Variants in BEST4 observed in about 807,000 individuals in gnomAD.
The protein encoded by BEST4 is bestrophin 4, also known as bestrophin-4.
A neutral mutation model predicts 47.1 loss-of-function variants in BEST4; 36 were observed. That is an observed-to-expected ratio of 0.76 (90% CI 0.59 to 1.01). BEST4 has a LOEUF of 1.01. BEST4 is among the 50% of genes least tolerant of loss of function. The pLI, the probability that BEST4 is intolerant of heterozygous loss-of-function variation, is 0.00. For missense variants in BEST4, 550 were observed against 648.6 expected, an observed-to-expected ratio of 0.85 and a Z score of 1.65; for synonymous variants, 250 against 277.8, an observed-to-expected ratio of 0.90 and a Z score of 1.00.
chr1:44,786,632 G>T lies in BEST4; in HGVS notation c.312C>A (p.Asp104Glu), dbSNP rs1315866566. The T allele has an allele frequency of 1.6e-5, 25 of 1,551,666 alleles. No homozygotes were observed. The highest frequency in any genetic ancestry group is 2.1e-5 in the Non-Finnish European group (24 of 1,146,992). The change falls in exon 3 of 9, where the codon GAC becomes GAA. Residue 104 changes from aspartate (D) to glutamate (E), a missense_variant. By Grantham distance (45) the Asp-to-Glu change is conservative. Transcript: ENST00000372207. The surrounding 1 kb of genome is among the most constrained non-coding windows in gnomAD (Gnocchi z 4.9). ...WSQYTSIPLP[D>E]QLMCVISASV... Reference sequence around the variant, plus strand: ...TAGCCGAGATGACGCACATCAGCTGGTCTGGCAGCGGGATGCTTGTGTACT... The same window carrying T: ...TAGCCGAGATGACGCACATCAGCTGTTCTGGCAGCGGGATGCTTGTGTACT...
Position 44,787,981 on chromosome 1 carries a change from C to A in BEST4, c.-276G>T, listed in dbSNP as rs1452720171. Among the ~76,000 whole-genome samples, 1 of 152,198 alleles carries A rather than the reference C, an allele frequency of 6.6e-6. No homozygotes were observed. The highest frequency in any genetic ancestry group is 6.5e-5 in the Admixed American group (1 of 15,268). On this transcript the variant is annotated 5_prime_UTR_variant, in exon 1 of 9. Transcript: ENST00000372207. ...TTTCCTCAAGCTCCTCTTCAGCCTGCAGGGCTAGGGATAACCAGATCCTGA... is the reference window on the plus strand; with the variant it reads ...TTTCCTCAAGCTCCTCTTCAGCCTGAAGGGCTAGGGATAACCAGATCCTGA...
chr1:44,781,870 T>A (rs888169192), downstream of BEST4, among the ~76,000 whole-genome samples: 1 of 152,182 alleles, frequency 6.6e-6, no homozygotes, highest in African/African-American at 2.4e-5. Flanking sequence ...CTTTATTAAA[T>A]TTGAAGTTTG....
rs1293132810 is a variant in BEST4, at chr1:44,787,911, G to T, written c.-206C>A. On this transcript the variant is annotated 5_prime_UTR_variant, in exon 1 of 9. Transcript: ENST00000372207. ...AGTACATGGGCAAAGCCAGGCTAGA[G>T]TTGGACAAGGTAGAACTGAGATCTG... Among the ~76,000 whole-genome samples the T allele has an allele frequency of 6.6e-6, 1 of 152,248 alleles. No individual in the cohort carries two copies. Among genetic ancestry groups the T allele is most frequent in the Non-Finnish European group, 1.5e-5 (1 of 68,038 alleles).
chr1:44,782,019 C>T (rs1194769388), downstream of BEST4, among the ~76,000 whole-genome samples: 1 of 151,998 alleles, frequency 6.6e-6, no homozygotes, highest in African/African-American at 2.4e-5. Flanking sequence ...AAAAAATTAG[C>T]AGGGTGTGGT....
At position 44,784,762 on chromosome 1, in the gene BEST4, C is replaced by A; in HGVS notation, c.1015G>T (p.Glu339Ter). The stretch of plus-strand genomic sequence containing the variant: ...GCGGGGGGAAGGTTCTGGTACATTT[C>A]GTCCACGGATAGCAGGGACACCTGG... ...NLQVSLLSVD[E>*]MYQNLPPAEK... Residue 339 changes from glutamate to a stop codon, truncating the protein, a stop_gained, in exon 8 of 9, where the codon GAA (glutamate) becomes TAA (stop). Transcript: ENST00000372207. LOFTEE classifies it high-confidence loss of function. The surrounding 1 kb of genome is among the most constrained non-coding windows in gnomAD (Gnocchi z 6.2). 6.3e-7 allele frequency: 1 copy of A among 1,596,016 alleles called. No individual in the cohort carries two copies. Among genetic ancestry groups the A allele is most frequent in the Non-Finnish European group, 8.5e-7 (1 of 1,170,142 alleles).
chr1:44,786,519 G>A lies in BEST4; in HGVS notation c.425C>T (p.Ser142Leu), dbSNP rs767215949. Reference protein sequence around the residue: ...ANLASVLVLRSVSTRVLKRFP... With the variant: ...ANLASVLVLRLVSTRVLKRFP... ...GCGCTTAAGCACGCGGGTGCTGACCGAGCGCAGCACCAGCACGGACGCCAG... is the reference window on the plus strand; with the variant it reads ...GCGCTTAAGCACGCGGGTGCTGACCAAGCGCAGCACCAGCACGGACGCCAG... Residue 142 changes from serine (S) to leucine (L), a missense_variant, in exon 3 of 9, where the codon TCG becomes TTG. Transcript: ENST00000372207. The surrounding 1 kb of genome is among the most constrained non-coding windows in gnomAD (Gnocchi z 4.9). The A allele has an allele frequency of 8.4e-6, 13 of 1,548,414 alleles. No individual in the cohort carries two copies. The Admixed American group carries it at 1.2e-4, about 14-fold the overall frequency.
Position 44,786,752 on chromosome 1 carries a change from C to T in BEST4, c.248-56G>A. On this transcript the variant is annotated intron_variant, in intron 2 of 8. Coordinates refer to ENST00000372207, the MANE Select transcript of BEST4 (RefSeq NM_153274.3). This position sits in a 1 kb window ranked among gnomAD's most constrained non-coding sequence, Gnocchi z 4.9. The stretch of plus-strand genomic sequence containing the variant: ...AAGGGAGAGTGGAGAGCCTGGGGGT[C>T]GGAGCGCCTCACCTCCCCCAGCAAA... 2 of 1,382,750 alleles carry T rather than the reference C, an allele frequency of 1.4e-6. No homozygotes were observed. The allele number at this position is 1,382,750 out of a possible 1,614,324, so 85.7% of individuals were successfully genotyped here. A position where few individuals can be genotyped will look rare whatever the true frequency, so the allele number is the denominator to read the frequency against.
At position 44,783,979 on chromosome 1, in the gene BEST4, T is replaced by C. The variant is rs1651117242; in HGVS notation, c.*231A>G. The C allele has an allele frequency of 4.6e-6, 2 of 436,486 alleles. No individual in the cohort carries two copies. The highest frequency in any genetic ancestry group is 7.9e-6 in the Non-Finnish European group (2 of 251,846). 27.0% of individuals were successfully genotyped at this position (436,486 alleles called of 1,614,324 possible). A position where few individuals can be genotyped will look rare whatever the true frequency, so the allele number is the denominator to read the frequency against. On this transcript the variant is annotated 3_prime_UTR_variant, in exon 9 of 9. Transcript: ENST00000372207. ...CCTCTATGCCTGGGCTCATTTATTT[T>C]TCTAGCTTCACGTCCCCCAAGCAAC... is the stretch of plus-strand genomic sequence containing the variant.
Position 44,784,544 on chromosome 1 carries a change from C to G in BEST4, c.1149-61G>C. The G allele has an allele frequency of 6.6e-7, 1 of 1,519,304 alleles. No homozygotes were observed. Among genetic ancestry groups the G allele is most frequent in the Non-Finnish European group, 8.8e-7 (1 of 1,134,500 alleles). 94.1% of individuals were successfully genotyped at this position (1,519,304 alleles called of 1,614,324 possible). A position where few individuals can be genotyped will look rare whatever the true frequency, so the allele number is the denominator to read the frequency against. On this transcript the variant is annotated intron_variant, in intron 8 of 8. Coordinates refer to ENST00000372207, the MANE Select transcript of BEST4 (RefSeq NM_153274.3). This position sits in a 1 kb window ranked among gnomAD's most constrained non-coding sequence, Gnocchi z 6.2. The stretch of plus-strand genomic sequence containing the variant: ...GGCGGGAGCGGGGACGCGGGATCGG[C>G]TCTCGGGGAAGGACCGAGGCATCGG...
At position 44,786,618 on chromosome 1, in the gene BEST4, A is replaced by C; in HGVS notation, c.326T>G (p.Val109Gly). Residue 109 changes from valine to glycine, a missense_variant, in exon 3 of 9, where the codon GTC becomes GGC. Coordinates refer to ENST00000372207, the MANE Select transcript of BEST4 (RefSeq NM_153274.3). This position sits in a 1 kb window ranked among gnomAD's most constrained non-coding sequence, Gnocchi z 4.9. Reference protein sequence around the residue: ...SIPLPDQLMCVISASVHGVDQ... With the variant: ...SIPLPDQLMCGISASVHGVDQ... ...CACGCCGTGCACGCTAGCCGAGATG[A>C]CGCACATCAGCTGGTCTGGCAGCGG... 6.4e-7 allele frequency: 1 copy of C among 1,551,520 alleles called. No homozygotes were observed. The highest frequency in any genetic ancestry group is 8.7e-7 in the Non-Finnish European group (1 of 1,146,978).
At chr1:44,791,204 C>CAGAG (rs35806425), upstream of BEST4, among the ~76,000 whole-genome samples, 4,821 of 148,000 alleles carry the variant, frequency 0.033, 239 homozygotes, top group African/African-American at 0.11. Flanking sequence ...GAACAGGACT[C>CAGAG]AGAGAGAGAG....
At chr1:44,785,360 C>T (rs1329625013) in intron 5 of BEST4, 55 bp from the exon 6 acceptor site, 4 of 1,489,508 alleles carry the variant, frequency 2.7e-6, no homozygotes, top group Non-Finnish European at 3.6e-6. Flanking sequence ...AGGAGAAATG[C>T]TGCCCCTGCC....
rs1201823041 is a variant in BEST4 at position 44,787,963 on chromosome 1, A to C, written c.-258T>G. ...GTCCCTTCATGCATGAGGTTTCCTCAAGCTCCTCTTCAGCCTGCAGGGCTA... is the reference window on the plus strand; with the variant it reads ...GTCCCTTCATGCATGAGGTTTCCTCCAGCTCCTCTTCAGCCTGCAGGGCTA... On this transcript the variant is annotated 5_prime_UTR_variant, in exon 1 of 9. Transcript: ENST00000372207. Among the ~76,000 whole-genome samples the C allele has an allele frequency of 6.6e-6, 1 of 152,220 alleles. No homozygotes were observed. Among genetic ancestry groups the C allele is most frequent in the Admixed American group, 6.5e-5 (1 of 15,282 alleles).
rs2148848937 is a variant in BEST4, at chr1:44,787,467, C to T, written c.153-1G>A. On this transcript the variant is annotated splice_acceptor_variant, in intron 1 of 8. Transcript: ENST00000372207. LOFTEE classifies it high-confidence loss of function. The stretch of plus-strand genomic sequence containing the variant: ...CCTCTGCTCCTGGGTCAGCAGCAGC[C>T]TGGGGAAGGCAGGTGTAGGCTTGGG... The T allele has an allele frequency of 1.2e-6, 2 of 1,614,196 alleles. No individual in the cohort carries two copies. Among genetic ancestry groups the T allele is most frequent in the African/African-American group, 1.3e-5 (1 of 75,048 alleles).
Position 44,787,709 on chromosome 1 carries a change from G to A in BEST4, c.-4C>T. On this transcript the variant is annotated 5_prime_UTR_variant, in exon 1 of 9. Transcript: ENST00000372207. Reference sequence around the variant, plus strand: ...TGAGAGTGTATGAAACCGTCATGGTGCTGGGAGCCTGGGGCAGGAGGTCAC... The same window carrying A: ...TGAGAGTGTATGAAACCGTCATGGTACTGGGAGCCTGGGGCAGGAGGTCAC... 6.2e-7 allele frequency: 1 copy of A among 1,613,930 alleles called. No individual in the cohort carries two copies.
At position 44,785,674 on chromosome 1, in the gene BEST4, C is replaced by A. The variant is rs1651194035; in HGVS notation, c.639G>T (p.Glu213Asp). ...TGCACTTGGCTCGGTACTTGTTCAG[C>A]TCCTGGGGGAACAGCAGGAACAGGA... ...DDIALCLLLE[E>D]LNKYRAKCSM... The change falls in exon 5 of 9, where the codon GAG becomes GAT. Residue 213 changes from glutamate to aspartate, a missense_variant and splice_region_variant. Physicochemically the swap from Glu to Asp is conservative, Grantham distance 45 (BLOSUM62 2). This residue lies in a region of BEST4 where 291 missense variants were observed against 342.4 expected (regional missense o/e 0.85). Coordinates refer to ENST00000372207, the MANE Select transcript of BEST4 (RefSeq NM_153274.3). 6.4e-7 allele frequency: 1 copy of A among 1,553,412 alleles called. No individual in the cohort carries two copies. The highest frequency in any genetic ancestry group is 8.7e-7 in the Non-Finnish European group (1 of 1,148,072).
Position 44,785,653 on chromosome 1 carries a change from C to T in BEST4, c.660G>A (p.Lys220=), listed in dbSNP as rs767720540. 4.4e-5 allele frequency: 69 copies of T among 1,554,728 alleles called. No individual in the cohort carries two copies. The highest frequency in any genetic ancestry group is 5.9e-5 in the Non-Finnish European group (68 of 1,148,996). ...AGTCATAGTGGAATAGCATGCTGCACTTGGCTCGGTACTTGTTCAGCTCCT... is the reference window on the plus strand; with the variant it reads ...AGTCATAGTGGAATAGCATGCTGCATTTGGCTCGGTACTTGTTCAGCTCCT... ...LLEELNKYRA[K]CSMLFHYDWI... The change falls in exon 5 of 9, where the codon AAG becomes AAA. Residue 220 remains lysine, a synonymous_variant. Transcript: ENST00000372207.
downstream of BEST4, among the ~76,000 whole-genome samples, chr1:44,782,520 C>T (rs1386969706): frequency 2.0e-5 from 3 of 151,906 alleles, no homozygotes; most frequent in Non-Finnish European, 4.4e-5. Context: ...ATCCCAGCTA[C>T]TCGGGAGGCT....
chr1:44,792,148 A>G (rs552463690), upstream of BEST4, among the ~76,000 whole-genome samples: 2 of 152,166 alleles, frequency 1.3e-5, no homozygotes, highest in Non-Finnish European at 2.9e-5. Context: ...AGGCTGAGAC[A>G]GAAGAATCGC....
Sources: allele counts gnomAD v4.1 joint callset (sites outside exome capture counted in the v4.1 genomes callset), GRCh38; gene constraint gnomAD v4.1.1; regional missense constraint gnomAD v4.1.1; non-coding constraint Gnocchi (gnomAD v3.1); transcripts MANE v1.5; gene names NCBI Gene and HGNC (gene_info 2026-07-23, HGNC 2026-07-21).